C12orf42: variants seen among roughly 807,000 people sequenced by gnomAD.
The protein encoded by C12orf42 is uncharacterized protein C12orf42.
C12orf42 carries 25 observed loss-of-function variants against 21.6 expected under a neutral mutation model. That is an observed-to-expected ratio of 1.16 (90% CI 0.84 to 1.62). The LOEUF is 1.62. Ranked by LOEUF, C12orf42 falls within the 40% of genes most tolerant of loss-of-function variation. The pLI is 0.00. For synonymous variants in C12orf42, 174 were observed against 175.0 expected (o/e 0.99, Z 0.05); for missense variants, 483 against 459.3 (o/e 1.05, Z -0.47).
chr12:103,528,181 T>C, the C12orf42 span, among the ~76,000 whole-genome samples: 1 of 152,154 alleles, frequency 6.6e-6, no homozygotes, highest in Non-Finnish European at 1.5e-5. Context: ...AACATAGGGA[T>C]AGATATAGAC....
At chr12:103,284,669 G>A (rs1242187833) in intron 4 of C12orf42, among the ~76,000 whole-genome samples, 1 of 152,166 alleles carries the variant, frequency 6.6e-6, no homozygotes, top group Non-Finnish European at 1.5e-5. Context: ...GTAGGCCTTT[G>A]TTACATATTT....
intron 2 of C12orf42, among the ~76,000 whole-genome samples, chr12:103,428,550 G>A (rs936720698): frequency 2.0e-5 from 3 of 152,130 alleles, no homozygotes; most frequent in Admixed American, 6.5e-5. Flanking sequence ...ACAAGGAGGA[G>A]CTGGTACCAT....
intron 10 of C12orf42, among the ~76,000 whole-genome samples, chr12:103,249,649 C>A (rs1355440812): frequency 1.3e-5 from 2 of 152,042 alleles, no homozygotes; most frequent in Non-Finnish European, 2.9e-5. Flanking sequence ...GGCAGGCACT[C>A]ACAAGAGGCC....
the C12orf42 span, among the ~76,000 whole-genome samples, chr12:103,541,750 G>A: frequency 2.0e-5 from 3 of 151,606 alleles, no homozygotes; most frequent in Non-Finnish European, 4.4e-5. Flanking sequence ...ATTTTATCTC[G>A]TGCTTGATTT....
At chr12:103,396,607 A>G (rs1246465507) in intron 3 of C12orf42, 2 of 152,230 alleles carry the variant, frequency 1.3e-5, no homozygotes, top group Non-Finnish European at 2.9e-5. Flanking sequence ...TTTGGACACC[A>G]TTATTTTAGA....
At chr12:103,196,786 C>A in the C12orf42 span, among the ~76,000 whole-genome samples, 1 of 152,006 alleles carries the variant, frequency 6.6e-6, no homozygotes, top group Admixed American at 6.6e-5. Flanking sequence ...TTTTCCATTC[C>A]TTTTCTTTGA....
rs184256637 is a variant in C12orf42, at chr12:103,370,530, C to T, written c.148-1532G>A. Among the ~76,000 whole-genome samples, 300 of 152,100 alleles carry T rather than the reference C, an allele frequency of 2.0e-3. 1 individual carries two copies. Among genetic ancestry groups the T allele is most frequent in the African/African-American group, 6.8e-3 (283 of 41,498 alleles). On this transcript the variant is annotated intron_variant, in intron 3 of 5. Transcript: ENST00000548883. ...TAAAGAAAATGTGGTACATATACAC[C>T]GTGGAATACTATGCAGCCATAAAAA...
chr12:103,340,945 C>T (rs755718328), intron 4 of C12orf42, among the ~76,000 whole-genome samples: 4 of 151,836 alleles, frequency 2.6e-5, no homozygotes, highest in Non-Finnish European at 5.9e-5. Context: ...AACCCAGTCT[C>T]TACTAAAAAT....
At chr12:103,202,778 G>A in the C12orf42 span, among the ~76,000 whole-genome samples, 2 of 152,240 alleles carry the variant, frequency 1.3e-5, no homozygotes, top group South Asian at 2.1e-4. Flanking sequence ...GGTAATATGG[G>A]ACAAATAGTA....
chr12:103,496,530 G>A (rs1955552700), upstream of C12orf42, among the ~76,000 whole-genome samples: 1 of 152,162 alleles, frequency 6.6e-6, no homozygotes, highest in Admixed American at 6.5e-5. Flanking sequence ...TGCCAACAAA[G>A]GTCGTTCTCA....
intron 3 of C12orf42, among the ~76,000 whole-genome samples, chr12:103,391,412 A>G (rs1238781097): frequency 2.0e-5 from 3 of 152,146 alleles, no homozygotes; most frequent in Non-Finnish European, 4.4e-5. Context: ...CAATTTCTGC[A>G]CATTTTTGCC....
At chr12:103,306,382 C>G in intron 4 of C12orf42, 37 bp from the exon 5 acceptor site, 1 of 1,537,550 alleles carries the variant, frequency 6.5e-7, no homozygotes, top group South Asian at 1.3e-5. Flanking sequence ...AAAAATTCAC[C>G]AAAAACACCT....
At chr12:103,140,829 GAC>G in the C12orf42 span, among the ~76,000 whole-genome samples, 8 of 151,802 alleles carry the variant, frequency 5.3e-5, no homozygotes, top group Non-Finnish European at 8.8e-5. Flanking sequence ...GTGATTGGGA[GAC>G]ACACACACAC....
At chr12:103,402,286 A>G (rs2048068883) in intron 2 of C12orf42, among the ~76,000 whole-genome samples, 1 of 152,232 alleles carries the variant, frequency 6.6e-6, no homozygotes, top group African/African-American at 2.4e-5. Flanking sequence ...CTCACAATGG[A>G]AGAGAACAAT....
At chr12:103,488,335 G>T (rs1954971700) in intron 1 of C12orf42, among the ~76,000 whole-genome samples, 1 of 152,142 alleles carries the variant, frequency 6.6e-6, no homozygotes, top group South Asian at 2.1e-4. Context: ...TAGTCTGATG[G>T]GCTTCCCTTT....
intron 10 of C12orf42, among the ~76,000 whole-genome samples, chr12:103,248,739 C>T (rs2034136151): frequency 6.6e-6 from 1 of 151,920 alleles, no homozygotes; most frequent in African/African-American, 2.4e-5. Flanking sequence ...GCTGTGAGAC[C>T]TTGCACAAAC....
chr12:103,118,772 T>TAAAAAAAAA, the C12orf42 span, among the ~76,000 whole-genome samples: 4 of 41,638 alleles, frequency 9.6e-5, no homozygotes, highest in African/African-American at 3.7e-4. Flanking sequence ...CACTCCAGCC[T>TAAAAAAAAA]AAAAAAAAAA....
chr12:103,300,142 G>T (rs1427527611), downstream of C12orf42, among the ~76,000 whole-genome samples: 1 of 152,192 alleles, frequency 6.6e-6, no homozygotes, highest in Admixed American at 6.5e-5. Flanking sequence ...TGTTGCATAG[G>T]ACACTGGTGG....
the C12orf42 span, among the ~76,000 whole-genome samples, chr12:103,145,519 T>A: frequency 6.6e-6 from 1 of 152,190 alleles, no homozygotes; most frequent in Non-Finnish European, 1.5e-5. Flanking sequence ...CATACATTAT[T>A]GGTAGAAGAT....
Sources: gnomAD v4.1 joint callset for allele counts (sites outside exome capture counted in the v4.1 genomes callset) on GRCh38, gnomAD v4.1.1 for gene constraint, MANE v1.5 for transcripts, NCBI Gene and HGNC (gene_info 2026-07-23, HGNC 2026-07-21) for gene names.